PLOD2: variants seen among roughly 807,000 people sequenced by gnomAD.
PLOD2 encodes lysine hydroxylase 2.
PLOD2 carries 65 observed loss-of-function variants against 101.0 expected under a neutral mutation model. The observed-to-expected ratio is 0.64, with a 90% CI of 0.53 to 0.79. The LOEUF (loss-of-function observed/expected upper bound fraction) is 0.79. PLOD2 is among the 30% of genes least tolerant of loss of function. The pLI is 0.00. For synonymous variants in PLOD2, 314 were observed against 302.9 expected (o/e 1.04, Z -0.38); for missense variants, 909 against 914.6 (o/e 0.99, Z 0.08).
At position 146,110,467 on chromosome 3, in the gene PLOD2, A is replaced by G. The variant is rs76926865; in HGVS notation, c.339-19T>C. The G allele has an allele frequency of 6.4e-7, 1 of 1,561,690 alleles. No homozygotes were observed. Among genetic ancestry groups the G allele is most frequent in the Non-Finnish European group, 8.7e-7 (1 of 1,147,308 alleles). On this transcript the variant is annotated intron_variant, in intron 3 of 19. Transcript: ENST00000282903. ...ATCAAAGCTGTTCAATGAGGAAAAA[A>G]TGTGTTTTAAAATACACTTGTCAGA...
chr3:146,145,667 T>C (rs572588142), intron 1 of PLOD2, among the ~76,000 whole-genome samples: 31 of 152,276 alleles, frequency 2.0e-4, no homozygotes, highest in Non-Finnish European at 3.5e-4. Flanking sequence ...AGTACAGTTA[T>C]GGTAGTCCAC....
intron 14 of PLOD2, chr3:146,077,194 T>C (rs1936378581): frequency 1.9e-6 from 2 of 1,031,760 alleles, no homozygotes; most frequent in African/African-American, 1.7e-5. Flanking sequence ...AAAAAATTCC[T>C]GTTTGAAAGC....
rs528587705 is a variant in PLOD2, at chr3:146,157,948, T to C, written c.109+2933A>G. On this transcript the variant is annotated intron_variant, in intron 1 of 19. Transcript: ENST00000282903. ...TTTCCTTGAATGTACCACAGTAAAT[T>C]AGAGAGTTTATAAATGAATGAATGT... is the stretch of plus-strand genomic sequence containing the variant. 4.6e-5 allele frequency among the ~76,000 whole-genome samples: 7 copies of C among 152,254 alleles called. No homozygotes were observed. The South Asian group carries it at 1.2e-3, about 27-fold the overall frequency.
intron 14 of PLOD2, 35 bp from the exon 15 acceptor site, chr3:146,076,930 G>A (rs1936366160): frequency 7.0e-7 from 1 of 1,423,776 alleles, no homozygotes; most frequent in Non-Finnish European, 9.8e-7. Flanking sequence ...TAATCTTAGA[G>A]GTAGGTACAA....
At position 146,161,093 on chromosome 3, in the gene PLOD2, C is replaced by A. The variant is rs573663835; in HGVS notation, c.-104G>T. On this transcript the variant is annotated 5_prime_UTR_variant, in exon 1 of 20. Transcript: ENST00000282903. ...CGGGTCCGCCCTGAGCCGCCGATTG[C>A]GGGCGGGAGCCGGCGGGCAAGGCGC... is the stretch of plus-strand genomic sequence containing the variant. The A allele has an allele frequency of 1.4e-3, 952 of 662,278 alleles. 5 individuals carry two copies. In the African/African-American group the frequency reaches 0.016, roughly 11 times the overall value. 41.0% of individuals were successfully genotyped at this position (662,278 alleles called of 1,614,324 possible). A position where few individuals can be genotyped will look rare whatever the true frequency, so the allele number is the denominator to read the frequency against.
intron 7 of PLOD2, among the ~76,000 whole-genome samples, chr3:146,098,963 T>A (rs1467820094): frequency 6.6e-6 from 1 of 152,174 alleles, no homozygotes; most frequent in Non-Finnish European, 1.5e-5. Context: ...TTTATTTAAC[T>A]TTAACCTAAT....
chr3:146,120,968 G>GCCCA, intron 3 of PLOD2, 144 bp downstream of exon 3: 1 of 673,534 alleles, frequency 1.5e-6, no homozygotes, highest in Non-Finnish European at 2.6e-6. Context: ...TGATCCAGCT[G>GCCCA]CCTAGGCCTC....
At chr3:146,099,309 T>G (rs768615795) in intron 7 of PLOD2, among the ~76,000 whole-genome samples, 2 of 152,174 alleles carry the variant, frequency 1.3e-5, no homozygotes, top group Non-Finnish European at 2.9e-5. Flanking sequence ...ATCCTGGAAA[T>G]TTGGAAGGAA....
At chr3:146,072,229 G>A (rs1936169912) in intron 17 of PLOD2, among the ~76,000 whole-genome samples, 2 of 150,782 alleles carry the variant, frequency 1.3e-5, no homozygotes, top group Non-Finnish European at 3.0e-5. Flanking sequence ...GAAAACGCAA[G>A]GAATAAAAAG....
chr3:146,126,399 C>T (rs1473966855), intron 1 of PLOD2, among the ~76,000 whole-genome samples: 1 of 151,804 alleles, frequency 6.6e-6, no homozygotes, highest in Non-Finnish European at 1.5e-5. Context: ...TTTTTTTTAA[C>T]CAATTCAAGA....
At chr3:146,123,146 G>T in intron 2 of PLOD2, 1 of 200,582 alleles carries the variant, frequency 5.0e-6, no homozygotes, top group Non-Finnish European at 1.0e-5. Context: ...GTATTCCAGT[G>T]GTTATTTAAT....
At chr3:146,146,678 C>A (rs1233269251) in intron 1 of PLOD2, among the ~76,000 whole-genome samples, 2 of 152,092 alleles carry the variant, frequency 1.3e-5, no homozygotes, top group African/African-American at 4.8e-5. Flanking sequence ...TTTATGGAAG[C>A]CTATTTCTGA....
At chr3:146,151,227 G>A (rs2032039845) in intron 1 of PLOD2, among the ~76,000 whole-genome samples, 1 of 152,174 alleles carries the variant, frequency 6.6e-6, no homozygotes, top group Non-Finnish European at 1.5e-5. Context: ...GCCAAGCACG[G>A]TGGCTCACGC....
At chr3:146,078,536 G>C (rs947592874) in intron 13 of PLOD2, among the ~76,000 whole-genome samples, 1 of 151,728 alleles carries the variant, frequency 6.6e-6, no homozygotes, top group Admixed American at 6.6e-5. Context: ...GTCATTTTAA[G>C]TTTTATAATA....
At chr3:146,095,877 TCTCCCCTCTCCCCTCTCCCCC>T (rs1937133213) in intron 7 of PLOD2, among the ~76,000 whole-genome samples, 1 of 95,450 alleles carries the variant, frequency 1.0e-5, no homozygotes, top group Non-Finnish European at 2.1e-5. Context: ...CCCTCTCCCC[TCTCCCCTCTCCCCTCTCCCCC>T]CTCCCCCCTC....
intron 1 of PLOD2, among the ~76,000 whole-genome samples, chr3:146,144,519 A>G (rs2108130012): frequency 6.6e-6 from 1 of 152,204 alleles, no homozygotes; most frequent in South Asian, 2.1e-4. Context: ...TTATTTAAAT[A>G]TTTTGTTTCA....
At chr3:146,097,725 A>C (rs1383933854) in intron 7 of PLOD2, among the ~76,000 whole-genome samples, 1 of 132,246 alleles carries the variant, frequency 7.6e-6, no homozygotes. Flanking sequence ...TTATCTGCTG[A>C]CCTTCCCTCC....
rs2030108803 is a variant in PLOD2 at position 146,121,156 on chromosome 3, T to C, written c.294A>G (p.Glu98=). 1.9e-6 allele frequency: 3 copies of C among 1,608,680 alleles called. No individual in the cohort carries two copies. The highest frequency in any genetic ancestry group is 2.6e-6 in the Non-Finnish European group (3 of 1,175,192). ...CCAGATCATCTTGATCAGCATAGTG[T>C]TCCATGACTTCTTTCATTAATCTCA... is the stretch of plus-strand genomic sequence containing the variant. ...QKVRLMKEVM[E]HYADQDDLVV... is the part of the protein sequence containing the mutation. Residue 98 remains glutamate (E), a synonymous_variant, in exon 3 of 20, where the codon GAA becomes GAG. Transcript: ENST00000282903.
At chr3:146,087,010 A>T in intron 9 of PLOD2, 102 bp from the exon 10 acceptor site, 1 of 590,540 alleles carries the variant, frequency 1.7e-6, no homozygotes, top group Non-Finnish European at 2.9e-6. Flanking sequence ...TGAATTCTAC[A>T]ATTCAGATAT....
Sources: gnomAD v4.1 joint callset for allele counts (sites outside exome capture counted in the v4.1 genomes callset) on GRCh38, gnomAD v4.1.1 for gene constraint, MANE v1.5 for transcripts, NCBI Gene and HGNC (gene_info 2026-07-23, HGNC 2026-07-21) for gene names.